Variants in HPD observed in about 807,000 individuals in gnomAD.
The protein encoded by HPD is 4-hydroxyphenylpyruvic acid oxidase.
A neutral mutation model predicts 56.9 loss-of-function variants in HPD; 35 were observed. The ratio of observed to expected loss-of-function variants is 0.62; its 90% confidence interval spans 0.47 to 0.82. HPD has a LOEUF of 0.82. Ranked by LOEUF, HPD falls within the 40% of genes least tolerant of loss-of-function variation. The probability of loss-of-function intolerance (pLI) is 0.00; values close to 1 mark genes in which losing one functional copy is unlikely to be tolerated. For synonymous variants in HPD, 186 were observed against 200.2 expected, an observed-to-expected ratio of 0.93 and a Z score of 0.60; for missense variants, 442 against 506.8, an observed-to-expected ratio of 0.87 and a Z score of 1.23.
At chr12:121,843,077 A>G (rs1260932153) in intron 12 of HPD, among the ~76,000 whole-genome samples, 3 of 152,202 alleles carry the variant, frequency 2.0e-5, no homozygotes, top group Non-Finnish European at 2.9e-5. Flanking sequence ...GTTGCACAAC[A>G]TAGCAAATAG....
chr12:121,848,655 T>C (rs1446564534), intron 9 of HPD, among the ~76,000 whole-genome samples: 1 of 151,604 alleles, frequency 6.6e-6, no homozygotes, highest in African/African-American at 2.4e-5. Context: ...CTTGCTCTGT[T>C]TCCCAGGCTG....
intron 4 of HPD, chr12:121,856,914 G>A: frequency 1.9e-6 from 1 of 531,710 alleles, no homozygotes; most frequent in Non-Finnish European, 3.4e-6. Flanking sequence ...CCTCTCCTCT[G>A]ATATCCCAGG....
In HPD at chr12:121,854,805, T is replaced by C; in HGVS notation, c.325-13A>G. On this transcript the variant is annotated splice_polypyrimidine_tract_variant and intron_variant, in intron 6 of 13. Transcript: ENST00000289004. ...GTTCCCGTGCTTTCTGCAGAGAAGA[T>C]GGGATCGGGGAATTGGTGAGGGCTG... is the stretch of plus-strand genomic sequence containing the variant. The C allele has an allele frequency of 6.2e-7, 1 of 1,606,006 alleles. No individual in the cohort carries two copies. The highest frequency in any genetic ancestry group is 8.5e-7 in the Non-Finnish European group (1 of 1,172,750).
chr12:121,855,755 AG>A (rs1453889388), intron 6 of HPD, among the ~76,000 whole-genome samples: 2 of 151,702 alleles, frequency 1.3e-5, no homozygotes, highest in Non-Finnish European at 1.5e-5. Context: ...AAATGAAAAA[AG>A]AAAAAAAAGG....
At chr12:121,875,450 T>C in the HPD span, among the ~76,000 whole-genome samples, 1 of 146,170 alleles carries the variant, frequency 6.8e-6, no homozygotes, top group South Asian at 2.2e-4. Flanking sequence ...TTTTGAGACA[T>C]GGTCTCACTG....
intron 3 of HPD, 111 bp downstream of exon 3, chr12:121,857,646 C>T (rs1878053126): frequency 3.0e-6 from 3 of 996,768 alleles, no homozygotes; most frequent in South Asian, 2.6e-5. Flanking sequence ...CCACCCCTGG[C>T]CTGATCCTCC....
chr12:121,854,615 G>T, intron 7 of HPD, 88 bp downstream of exon 7: 1 of 899,772 alleles, frequency 1.1e-6, no homozygotes, highest in East Asian at 2.4e-5. Context: ...GCCCATGGGT[G>T]GGATGGTTTG....
intron 12 of HPD, 136 bp downstream of exon 12, chr12:121,843,574 A>T: frequency 1.0e-6 from 1 of 965,826 alleles, no homozygotes; most frequent in South Asian, 1.4e-5. Context: ...CCTCCCACAT[A>T]GACCCTAGAA....
At chr12:121,877,530 G>A in the HPD span, among the ~76,000 whole-genome samples, 3 of 151,970 alleles carry the variant, frequency 2.0e-5, no homozygotes, top group Non-Finnish European at 4.4e-5. Flanking sequence ...CCAGGAGTTC[G>A]AGACCAGCCT....
At chr12:121,859,207 G>A (rs1878112409), upstream of HPD, 1 of 344,652 alleles carries the variant, frequency 2.9e-6, no homozygotes, top group South Asian at 2.6e-5. Flanking sequence ...GGAAATTTGA[G>A]GGGGCATTTG....
chr12:121,884,495 G>A, the HPD span, among the ~76,000 whole-genome samples: 2 of 151,392 alleles, frequency 1.3e-5, no homozygotes, highest in Non-Finnish European at 1.5e-5. Flanking sequence ...TTGTAGAGAC[G>A]TAAGTCTTGC....
chr12:121,857,841 G>A, intron 2 of HPD, 22 bp from the exon 3 acceptor site: 1 of 1,601,886 alleles, frequency 6.2e-7, no homozygotes, highest in Non-Finnish European at 8.6e-7. Flanking sequence ...GAGAAGAGGT[G>A]AGGTTGAGTC....
At chr12:121,857,950 A>T in intron 2 of HPD, 131 bp from the exon 3 acceptor site, 1 of 739,268 alleles carries the variant, frequency 1.4e-6, no homozygotes, top group Non-Finnish European at 2.4e-6. Flanking sequence ...GCGGAACCCC[A>T]TGCAGCCTTG....
the HPD span, among the ~76,000 whole-genome samples, chr12:121,884,762 TTA>T: frequency 5.3e-4 from 81 of 152,316 alleles, 1 homozygote; most frequent in African/African-American, 1.8e-3. Flanking sequence ...TAAAGAACAT[TTA>T]TATGTTTCAC....
chr12:121,867,899 G>C (rs563968223), upstream of HPD, among the ~76,000 whole-genome samples: 19 of 152,224 alleles, frequency 1.2e-4, no homozygotes, highest in African/African-American at 3.9e-4. Flanking sequence ...TGAACTCCTG[G>C]CTTCAAGAAA....
chr12:121,851,509 A>T (rs970354337), intron 7 of HPD, among the ~76,000 whole-genome samples: 5 of 144,280 alleles, frequency 3.5e-5, no homozygotes, highest in African/African-American at 1.3e-4. Context: ...ATGCCCAGCT[A>T]ATTTTTGTAT....
upstream of HPD, among the ~76,000 whole-genome samples, chr12:121,867,086 C>T (rs1878346876): frequency 6.6e-6 from 1 of 152,166 alleles, no homozygotes; most frequent in South Asian, 2.1e-4. Flanking sequence ...TGTGGTGGCT[C>T]ACGCCTGTAA....
the HPD span, among the ~76,000 whole-genome samples, chr12:121,878,156 A>G: frequency 1.3e-5 from 2 of 152,156 alleles, no homozygotes; most frequent in Non-Finnish European, 2.9e-5. Flanking sequence ...GAATGTTTTC[A>G]CTGTTTTGTG....
the HPD span, among the ~76,000 whole-genome samples, chr12:121,875,427 CTT>C: frequency 2.7e-4 from 36 of 134,680 alleles, no homozygotes; most frequent in Admixed American, 4.5e-4. Context: ...TTCTTTCTTT[CTT>C]TTTTTTTTTT....
Sources: allele counts gnomAD v4.1 joint callset (sites outside exome capture counted in the v4.1 genomes callset), GRCh38; gene constraint gnomAD v4.1.1; transcripts MANE v1.5; gene names NCBI Gene and HGNC (gene_info 2026-07-23, HGNC 2026-07-21).